Variants in NIM1K observed in about 807,000 individuals in gnomAD.
NIM1K encodes the protein NIM1 serine/threonine protein kinase, also known as serine/threonine-protein kinase NIM1.
NIM1K carries 35 observed loss-of-function variants against 37.1 expected under a neutral mutation model. The observed-to-expected ratio is 0.94, with a 90% CI of 0.72 to 1.25. The LOEUF (loss-of-function observed/expected upper bound fraction) is 1.25. NIM1K is among the 50% of genes most tolerant of loss of function. The pLI is 0.00. For synonymous variants in NIM1K, 234 were observed against 206.6 expected (o/e 1.13, Z -1.14); for missense variants, 564 against 548.0 (o/e 1.03, Z -0.29).
In NIM1K at chr5:43,280,058, G is replaced by A. The variant is rs770782986; in HGVS notation, c.640G>A (p.Asp214Asn). Reference protein sequence around the residue: ...YTSNTCVKVGDFGFSTVSKKG... With the variant: ...YTSNTCVKVGNFGFSTVSKKG... ...CAGTAATACTTGTGTGAAGGTGGGC[G>A]ATTTTGGATTCAGCACAGTAAGCAA... The change falls in exon 4 of 4, where the codon GAT (aspartate) becomes AAT (asparagine). Residue 214 changes from aspartate (D) to asparagine (N), a missense_variant. Physicochemically the swap from Asp to Asn is conservative, Grantham distance 23. Coordinates refer to ENST00000326035, the MANE Select transcript of NIM1K (RefSeq NM_153361.4). 1.4e-5 allele frequency: 23 copies of A among 1,614,018 alleles called. No individual in the cohort carries two copies. The South Asian group carries it at 2.4e-4, about 17-fold the overall frequency.
chr5:43,224,526 C>G (rs1445047444), intron 1 of NIM1K, among the ~76,000 whole-genome samples: 1 of 151,224 alleles, frequency 6.6e-6, no homozygotes, highest in African/African-American at 2.4e-5. Context: ...ACAGATTGTA[C>G]AGTTGTCCCT....
chr5:43,273,136 C>T (rs1753282880), intron 2 of NIM1K, among the ~76,000 whole-genome samples: 2 of 152,074 alleles, frequency 1.3e-5, no homozygotes, highest in East Asian at 1.9e-4. Context: ...TCATCCCCTC[C>T]TAGACTCCCA....
chr5:43,280,829 A>T lies in NIM1K; in HGVS notation c.*100A>T, dbSNP rs565490156. 2.5e-6 allele frequency: 3 copies of T among 1,196,948 alleles called. No homozygotes were observed. Among genetic ancestry groups the T allele is most frequent in the Non-Finnish European group, 1.1e-6 (1 of 870,302 alleles). 74.1% of individuals were successfully genotyped at this position (1,196,948 alleles called of 1,614,324 possible). ...GGAGACATTTTTGTAATTTTTAAAT[A>T]AACTTAAATTTGAGATATGCATTTT... On this transcript the variant is annotated 3_prime_UTR_variant, in exon 4 of 4. Coordinates refer to ENST00000326035, the MANE Select transcript of NIM1K (RefSeq NM_153361.4).
At chr5:43,201,222 AC>A in intron 1 of NIM1K, among the ~76,000 whole-genome samples, 1 of 152,212 alleles carries the variant, frequency 6.6e-6, no homozygotes, top group East Asian at 1.9e-4. Flanking sequence ...ATTCTGGCTA[AC>A]ACGGTGAAAC....
At chr5:43,224,996 A>G (rs1403206024) in intron 1 of NIM1K, among the ~76,000 whole-genome samples, 1 of 152,150 alleles carries the variant, frequency 6.6e-6, no homozygotes. Context: ...GCCTGGCCAC[A>G]AGTGGATTTT....
chr5:43,245,521 A>G lies in NIM1K; in HGVS notation c.-255A>G. 1 of 407,326 alleles carries G rather than the reference A, an allele frequency of 2.5e-6. No individual in the cohort carries two copies. Among genetic ancestry groups the G allele is most frequent in the Non-Finnish European group, 4.4e-6 (1 of 228,560 alleles). 25.2% of individuals were successfully genotyped at this position (407,326 alleles called of 1,614,324 possible). A position where few individuals can be genotyped will look rare whatever the true frequency, so the allele number is the denominator to read the frequency against. Reference sequence around the variant, plus strand: ...GCCTAATTGTACAGCTAGAGCCTGCAAGTTCAACGTGAGGGAAGGTGGGAA... The same window carrying G: ...GCCTAATTGTACAGCTAGAGCCTGCGAGTTCAACGTGAGGGAAGGTGGGAA... On this transcript the variant is annotated 5_prime_UTR_variant, in exon 2 of 4. Transcript: ENST00000326035.
chr5:43,217,708 ATTTTTTTTTTTT>A (rs71608698), intron 1 of NIM1K, among the ~76,000 whole-genome samples: 2 of 93,628 alleles, frequency 2.1e-5, no homozygotes, highest in South Asian at 3.9e-4. Context: ...TCCTCTGTCT[ATTTTTTTTTTTT>A]TTTTTTTTTT....
At position 43,245,899 on chromosome 5, in the gene NIM1K, C is replaced by A; in HGVS notation, c.124C>A (p.Pro42Thr). The change falls in exon 2 of 4, where the codon CCC becomes ACC. Residue 42 changes from proline (P) to threonine (T), a missense_variant. Pro to Thr is a conservative substitution (Grantham distance 38, BLOSUM62 -1). Coordinates refer to ENST00000326035, the MANE Select transcript of NIM1K (RefSeq NM_153361.4). ...TAGCAAGGAGGGTGAGGAGGGACAG[C>A]CCCGCCAGCTGACGCCCTTCGAGAA... Reference protein sequence around the residue: ...ESSKEGEEGQPRQLTPFEKLT... With the variant: ...ESSKEGEEGQTRQLTPFEKLT... 6.2e-7 allele frequency: 1 copy of A among 1,614,088 alleles called. No individual in the cohort carries two copies. Among genetic ancestry groups the A allele is most frequent in the Non-Finnish European group, 8.5e-7 (1 of 1,180,004 alleles).
intron 2 of NIM1K, among the ~76,000 whole-genome samples, chr5:43,271,984 C>T (rs1253949960): frequency 6.6e-6 from 1 of 152,190 alleles, no homozygotes; most frequent in Non-Finnish European, 1.5e-5. Context: ...TTCATCTAAA[C>T]TGTTGTATCA....
chr5:43,265,906 C>T (rs1479965172), intron 2 of NIM1K, among the ~76,000 whole-genome samples: 5 of 152,184 alleles, frequency 3.3e-5, no homozygotes, highest in Admixed American at 1.3e-4. Flanking sequence ...GACCTGTTTG[C>T]CTGGGTATCA....
At chr5:43,272,003 T>C (rs1448687206) in intron 2 of NIM1K, among the ~76,000 whole-genome samples, 1 of 152,224 alleles carries the variant, frequency 6.6e-6, no homozygotes, top group East Asian at 1.9e-4. Flanking sequence ...CAATAGTTGG[T>C]TCATTTTTAT....
Position 43,277,146 on chromosome 5 carries a change from C to A in NIM1K, c.382C>A (p.Leu128Met). 1 of 1,614,132 alleles carries A rather than the reference C, an allele frequency of 6.2e-7. No individual in the cohort carries two copies. The highest frequency in any genetic ancestry group is 8.5e-7 in the Non-Finnish European group (1 of 1,180,010). The change falls in exon 3 of 4, where the codon CTG (leucine) becomes ATG (methionine). Residue 128 changes from leucine to methionine, a missense_variant. Physicochemically the swap from Leu to Met is conservative, Grantham distance 15. Transcript: ENST00000326035. ...LSREISSMEK[L>M]HHPNIIRLYE... ...CCGAGAAATCTCCAGCATGGAAAAGCTGCACCATCCCAACATCATCCGCCT... is the reference window on the plus strand; with the variant it reads ...CCGAGAAATCTCCAGCATGGAAAAGATGCACCATCCCAACATCATCCGCCT...
chr5:43,271,365 A>G (rs1034125140), intron 2 of NIM1K, among the ~76,000 whole-genome samples: 5 of 151,436 alleles, frequency 3.3e-5, no homozygotes, highest in Admixed American at 1.3e-4. Flanking sequence ...AAGATGATTC[A>G]CTGGGATGAG....
intron 2 of NIM1K, among the ~76,000 whole-genome samples, chr5:43,266,484 G>A (rs1223525298): frequency 1.3e-5 from 2 of 152,150 alleles, no homozygotes; most frequent in African/African-American, 4.8e-5. Flanking sequence ...ACAGTATTAG[G>A]GTGGGAGTGT....
intron 2 of NIM1K, among the ~76,000 whole-genome samples, chr5:43,272,932 A>G (rs933184957): frequency 1.3e-5 from 2 of 152,100 alleles, no homozygotes; most frequent in Non-Finnish European, 2.9e-5. Flanking sequence ...TCCCTGTTCC[A>G]TACAATAACC....
chr5:43,213,836 C>T (rs1245152170), intron 1 of NIM1K, among the ~76,000 whole-genome samples: 2 of 151,916 alleles, frequency 1.3e-5, no homozygotes, highest in Non-Finnish European at 2.9e-5. Flanking sequence ...ACCATGTTGG[C>T]CAGGCTGGTC....
intron 1 of NIM1K, among the ~76,000 whole-genome samples, chr5:43,198,201 T>TTC (rs1223745294): frequency 0.012 from 634 of 53,946 alleles, 1 homozygote; most frequent in East Asian, 0.044. Flanking sequence ...CTTTCTTTCT[T>TTC]TCTTTCTCTT....
At position 43,280,764 on chromosome 5, in the gene NIM1K, T is replaced by C. The variant is rs1158144796; in HGVS notation, c.*35T>C. The stretch of plus-strand genomic sequence containing the variant: ...GACTGCTTGTAACTAACCAAGATGA[T>C]TGTTGCTGCTTCTAAATTTTTTTCA... On this transcript the variant is annotated 3_prime_UTR_variant, in exon 4 of 4. Coordinates refer to ENST00000326035, the MANE Select transcript of NIM1K (RefSeq NM_153361.4). The C allele has an allele frequency of 6.7e-7, 1 of 1,499,770 alleles. No homozygotes were observed. Among genetic ancestry groups the C allele is most frequent in the East Asian group, 2.3e-5 (1 of 43,736 alleles). 92.9% of individuals were successfully genotyped at this position (1,499,770 alleles called of 1,614,324 possible). A position where few individuals can be genotyped will look rare whatever the true frequency, so the allele number is the denominator to read the frequency against.
chr5:43,270,681 G>A (rs1421205019), intron 2 of NIM1K, among the ~76,000 whole-genome samples: 3 of 152,326 alleles, frequency 2.0e-5, no homozygotes, highest in South Asian at 2.1e-4. Flanking sequence ...AATTCAAAGT[G>A]AGACAAGCCA....
Sources: allele counts gnomAD v4.1 joint callset (sites outside exome capture counted in the v4.1 genomes callset), GRCh38; gene constraint gnomAD v4.1.1; transcripts MANE v1.5; gene names NCBI Gene and HGNC (gene_info 2026-07-23, HGNC 2026-07-21).